The following BCAS3 variants were observed in gnomAD, a reference collection of about 807,000 sequenced individuals.
The protein encoded by BCAS3 is BCAS3 microtubule associated cell migration factor.
In BCAS3, 53 loss-of-function variants were observed where a neutral mutation model predicts 116.1. That is an observed-to-expected ratio of 0.46 (90% CI 0.37 to 0.57). The LOEUF (loss-of-function observed/expected upper bound fraction) is 0.57, where lower values mean the gene tolerates loss of function less well. Ranked by LOEUF, BCAS3 falls within the 20% of genes least tolerant of loss-of-function variation. BCAS3 has a pLI of 0.00. For synonymous variants in BCAS3, 391 were observed against 408.2 expected (o/e 0.96, Z 0.51); for missense variants, 917 against 1,165.4 (o/e 0.79, Z 3.10).
At chr17:60,893,631 C>G (rs1461104149) in intron 10 of BCAS3, among the ~76,000 whole-genome samples, 2 of 116,166 alleles carry the variant, frequency 1.7e-5, no homozygotes, top group African/African-American at 3.5e-5. Flanking sequence ...TTTTGCACGA[C>G]AGAGTGTAGC....
intron 7 of BCAS3, among the ~76,000 whole-genome samples, chr17:60,859,864 C>T (rs548948085): frequency 6.6e-5 from 10 of 152,212 alleles, no homozygotes; most frequent in South Asian, 2.1e-4. Context: ...CCACCACGCC[C>T]GGCCTATGTA....
chr17:61,257,808 A>C (rs1393325249), intron 22 of BCAS3, among the ~76,000 whole-genome samples: 1 of 152,158 alleles, frequency 6.6e-6, no homozygotes, highest in Non-Finnish European at 1.5e-5. Context: ...ACCAGCTCAA[A>C]GGGGTCTTGC....
intron 22 of BCAS3, among the ~76,000 whole-genome samples, chr17:61,230,142 T>TACAC (rs58423435): frequency 0.02 from 2,928 of 150,012 alleles, 31 homozygotes; most frequent in South Asian, 0.042. Flanking sequence ...AGTGTGTGTA[T>TACAC]ACACACACAC....
At chr17:60,815,341 A>G (rs1193211473) in intron 7 of BCAS3, among the ~76,000 whole-genome samples, 3 of 152,164 alleles carry the variant, frequency 2.0e-5, no homozygotes, top group African/African-American at 7.2e-5. Flanking sequence ...TATACCTAAT[A>G]TAAATGACGA....
At chr17:60,988,924 T>TGG (rs2063347826) in intron 14 of BCAS3, among the ~76,000 whole-genome samples, 1 of 152,104 alleles carries the variant, frequency 6.6e-6, no homozygotes, top group Non-Finnish European at 1.5e-5. Context: ...CTACTAATTT[T>TGG]GGGATTGGGT....
intron 6 of BCAS3, among the ~76,000 whole-genome samples, chr17:60,789,073 T>C (rs1261918824): frequency 6.6e-6 from 1 of 152,182 alleles, no homozygotes; most frequent in Admixed American, 6.5e-5. Flanking sequence ...ATGATAAATT[T>C]AGTTGTTCAA....
rs2143959718 is a variant in BCAS3, at chr17:61,144,730, A to G, written c.2425+60166A>G. Among the ~76,000 whole-genome samples, 1 of 152,352 alleles carries G rather than the reference A, an allele frequency of 6.6e-6. No homozygotes were observed. The highest frequency in any genetic ancestry group is 1.9e-4 in the East Asian group (1 of 5,186). The stretch of plus-strand genomic sequence containing the variant: ...ACCCTTTATTTTCTGGACTTCTTCA[A>G]GTCAGCTCTCAGAATTGTTTTTACG... On this transcript the variant is annotated intron_variant, in intron 22 of 23. Transcript: ENST00000407086. The surrounding 1 kb of genome is among the most constrained non-coding windows in gnomAD (Gnocchi z 5.0).
At chr17:60,833,610 G>A (rs1194452089) in intron 7 of BCAS3, among the ~76,000 whole-genome samples, 1 of 152,178 alleles carries the variant, frequency 6.6e-6, no homozygotes, top group Non-Finnish European at 1.5e-5. Flanking sequence ...TGTGAATTGT[G>A]AATGAGGGCT....
rs1274960586 is a variant in BCAS3, at chr17:61,239,494, T to C, written c.2426-128833T>C. On this transcript the variant is annotated intron_variant, in intron 22 of 23. Transcript: ENST00000407086. This position sits in a 1 kb window ranked among gnomAD's most constrained non-coding sequence, Gnocchi z 4.2. ...TTATGAAGCTTTTGGAAATTTGGTC[T>C]AGTGATGAGTAATTCTTTCTTTCTG... 6.6e-6 allele frequency among the ~76,000 whole-genome samples: 1 copy of C among 152,246 alleles called. No individual in the cohort carries two copies. The highest frequency in any genetic ancestry group is 1.5e-5 in the Non-Finnish European group (1 of 68,034).
Position 61,128,370 on chromosome 17 carries a change from G to A in BCAS3, c.2425+43806G>A. On this transcript the variant is annotated intron_variant, in intron 22 of 23. Coordinates refer to ENST00000407086, the MANE Select transcript of BCAS3 (RefSeq NM_017679.5). This position sits in a 1 kb window ranked among gnomAD's most constrained non-coding sequence, Gnocchi z 4.1. ...CCTTTCTTATTTGTTTGATGTACAG[G>A]CTTATTTAAGTGAAAGGTGGGACAC... is the stretch of plus-strand genomic sequence containing the variant. The A allele has an allele frequency of 1.0e-6, 1 of 985,350 alleles. No individual in the cohort carries two copies. 61.0% of individuals were successfully genotyped at this position (985,350 alleles called of 1,614,324 possible).
At chr17:60,754,376 G>A (rs993040247) in intron 6 of BCAS3, among the ~76,000 whole-genome samples, 1 of 151,774 alleles carries the variant, frequency 6.6e-6, no homozygotes, top group African/African-American at 2.4e-5. Context: ...GGCTAATTAC[G>A]GAGTCTTGCT....
chr17:60,773,560 T>C (rs912339875), intron 6 of BCAS3, among the ~76,000 whole-genome samples: 3 of 152,188 alleles, frequency 2.0e-5, no homozygotes, highest in African/African-American at 7.2e-5. Context: ...CACAAAGTAC[T>C]GGGATTATAG....
In BCAS3 at chr17:61,229,981, C is replaced by T. The variant is rs894498323; in HGVS notation, c.2426-138346C>T. Among the ~76,000 whole-genome samples the T allele has an allele frequency of 1.1e-4, 17 of 152,244 alleles. No individual in the cohort carries two copies. The highest frequency in any genetic ancestry group is 2.2e-4 in the African/African-American group (9 of 41,548). ...CTCTACCGAAAATACAAAAATTAGCCGGGCGTGGTAGCACGTGCCTATAGT... is the reference window on the plus strand; with the variant it reads ...CTCTACCGAAAATACAAAAATTAGCTGGGCGTGGTAGCACGTGCCTATAGT... On this transcript the variant is annotated intron_variant, in intron 22 of 23. Transcript: ENST00000407086. The surrounding 1 kb of genome is among the most constrained non-coding windows in gnomAD (Gnocchi z 4.4).
rs1258959997 is a variant in BCAS3 at position 60,902,901 on chromosome 17, A to G, written c.822+198A>G. Among the ~76,000 whole-genome samples, 6 of 152,248 alleles carry G rather than the reference A, an allele frequency of 3.9e-5. No individual in the cohort carries two copies. In the East Asian group the frequency reaches 1.2e-3, roughly 29 times the overall value. On this transcript the variant is annotated intron_variant, in intron 11 of 23. Coordinates refer to ENST00000407086, the MANE Select transcript of BCAS3 (RefSeq NM_017679.5). ...GGAAGAAGCTTTCCATGTTTTAAAC[A>G]GTGACTTCTGGATTCTCTGTGATTT...
chr17:61,187,781 G>A (rs959176394), intron 22 of BCAS3, among the ~76,000 whole-genome samples: 11 of 151,994 alleles, frequency 7.2e-5, no homozygotes, highest in African/African-American at 2.7e-4. Context: ...AGAGTGGATG[G>A]GGTCATTTGC....
In BCAS3 at chr17:61,123,629, G is replaced by C. The variant is rs117267369; in HGVS notation, c.2425+39065G>C. ...TTTTTTCCTATTTTAATTTTTATTG[G>C]GGGGGAGTGGGGGTACTCAGTCCCA... is the stretch of plus-strand genomic sequence containing the variant. On this transcript the variant is annotated intron_variant, in intron 22 of 23. Coordinates refer to ENST00000407086, the MANE Select transcript of BCAS3 (RefSeq NM_017679.5). 8.4e-3 allele frequency among the ~76,000 whole-genome samples: 1,280 copies of C among 151,604 alleles called. 8 individuals carry two copies. Among genetic ancestry groups the C allele is most frequent in the Non-Finnish European group, 0.012 (799 of 67,920 alleles).
At chr17:61,176,100 C>T (rs2079113943) in intron 22 of BCAS3, among the ~76,000 whole-genome samples, 1 of 139,348 alleles carries the variant, frequency 7.2e-6, no homozygotes. Context: ...GATTGTGCCC[C>T]TGCACTCCAG....
At chr17:60,770,834 G>GTTTTTTTTTTTTTTTTTT (rs60854011) in intron 6 of BCAS3, among the ~76,000 whole-genome samples, 1 of 76,728 alleles carries the variant, frequency 1.3e-5, no homozygotes, top group African/African-American at 3.0e-5. Flanking sequence ...ACTGAAATTT[G>GTTTTTTTTTTTTTTTTTT]TTTTTTTTTT....
chr17:61,038,676 T>TTTGTTTTTGTTTTTG (rs1209848147), intron 18 of BCAS3, among the ~76,000 whole-genome samples: 24 of 135,962 alleles, frequency 1.8e-4, no homozygotes, highest in African/African-American at 7.3e-4. Context: ...TTGTTTTTTT[T>TTTGTTTTTGTTTTTG]TTTTTTTTTT....
Sources: gnomAD v4.1 joint callset for allele counts (sites outside exome capture counted in the v4.1 genomes callset) on GRCh38, gnomAD v4.1.1 for gene constraint, Gnocchi (gnomAD v3.1) non-coding constraint, MANE v1.5 for transcripts, NCBI Gene and HGNC (gene_info 2026-07-23, HGNC 2026-07-21) for gene names.